Variants in STX7 observed in about 807,000 individuals in gnomAD.
STX7 encodes the protein syntaxin 7.
A neutral mutation model predicts 39.6 loss-of-function variants in STX7; 34 were observed. That is an observed-to-expected ratio of 0.86 (90% CI 0.65 to 1.14). STX7 has a LOEUF of 1.14. STX7 is among the 50% of genes most tolerant of loss of function. STX7 has a pLI of 0.00. For synonymous variants in STX7, 119 were observed against 99.1 expected (o/e 1.20, Z -1.19); for missense variants, 284 against 310.4 (o/e 0.92, Z 0.64).
chr6:132,465,731 C>A (rs1006728565), intron 8 of STX7, among the ~76,000 whole-genome samples: 1 of 152,198 alleles, frequency 6.6e-6, no homozygotes, highest in Non-Finnish European at 1.5e-5. Flanking sequence ...GACATTTCCA[C>A]ACGTTTTCAT....
chr6:132,461,958 A>G, intron 9 of STX7: 1 of 1,163,422 alleles, frequency 8.6e-7, no homozygotes, highest in South Asian at 1.5e-5. Flanking sequence ...ATTACACTGA[A>G]AACCATAAAT....
chr6:132,490,164 T>C (rs997582240), intron 2 of STX7, among the ~76,000 whole-genome samples: 7 of 152,200 alleles, frequency 4.6e-5, no homozygotes, highest in Non-Finnish European at 1.0e-4. Flanking sequence ...GGTGAGGCCT[T>C]GCGCCTTGCA....
rs1313981654 is a variant in STX7 at position 132,447,687 on chromosome 6, T to C, written c.*13071A>G. ...CTTATTAATGCTTTTCACTTTAATA[T>C]TTGTAAGGCTAATACTGATACAGCT... On this transcript the variant is annotated 3_prime_UTR_variant, in exon 10 of 10. Coordinates refer to ENST00000367941, the MANE Select transcript of STX7 (RefSeq NM_003569.3). The C allele has an allele frequency of 6.6e-6, 1 of 152,144 alleles. No homozygotes were observed. Among genetic ancestry groups the C allele is most frequent in the Non-Finnish European group, 1.5e-5 (1 of 68,004 alleles). The allele number at this position is 152,144 out of a possible 1,614,324, so 9.4% of individuals were successfully genotyped here. A position where few individuals can be genotyped will look rare whatever the true frequency, so the allele number is the denominator to read the frequency against.
chr6:132,480,531 G>A (rs1774990276), intron 2 of STX7, among the ~76,000 whole-genome samples: 1 of 152,208 alleles, frequency 6.6e-6, no homozygotes, highest in Non-Finnish European at 1.5e-5. Context: ...ACGTTTTCAA[G>A]ACTACAACTG....
intron 9 of STX7, chr6:132,461,866 A>C (rs1301535589): frequency 3.2e-6 from 5 of 1,539,214 alleles, no homozygotes; most frequent in Non-Finnish European, 4.4e-6. Context: ...TTTTTCTTAC[A>C]AAGTAGAAAA....
Position 132,503,501 on chromosome 6 carries a change from G to T in STX7, c.30C>A (p.Asp10Glu). The change falls in exon 2 of 10, where the codon GAC becomes GAA. Residue 10 changes from aspartate to glutamate, a missense_variant. By Grantham distance (45) the Asp-to-Glu change is conservative. Coordinates refer to ENST00000367941, the MANE Select transcript of STX7 (RefSeq NM_003569.3). ...AGATCCTCTGGGCCAACTGGGCGGG[G>T]TCACCACCAACTCCTGGAGTGTAAG... MSYTPGVGGDPAQLAQRISS... is the reference protein window; with the variant it reads MSYTPGVGGEPAQLAQRISS... The T allele has an allele frequency of 6.2e-7, 1 of 1,614,062 alleles. No homozygotes were observed. Among genetic ancestry groups the T allele is most frequent in the Non-Finnish European group, 8.5e-7 (1 of 1,179,934 alleles).
intron 1 of STX7, among the ~76,000 whole-genome samples, chr6:132,507,432 A>C (rs1775732460): frequency 6.6e-6 from 1 of 152,250 alleles, no homozygotes; most frequent in Non-Finnish European, 1.5e-5. Context: ...TTACGCTAAA[A>C]GGAAAGTTTG....
chr6:132,501,869 G>A (rs1363218212), intron 2 of STX7, among the ~76,000 whole-genome samples: 1 of 151,888 alleles, frequency 6.6e-6, no homozygotes, highest in Non-Finnish European at 1.5e-5. Flanking sequence ...CAGCAGCAAG[G>A]GAGCCATTAA....
rs1312757449 is a variant in STX7 at position 132,449,453 on chromosome 6, A to C, written c.*11305T>G. ...GTCCCAGGCTTTTCTTAGCTCTGGAAATTTGTCAGCAATTACCTCAATTTT... is the reference window on the plus strand; with the variant it reads ...GTCCCAGGCTTTTCTTAGCTCTGGACATTTGTCAGCAATTACCTCAATTTT... On this transcript the variant is annotated 3_prime_UTR_variant, in exon 10 of 10. Transcript: ENST00000367941. 3.3e-5 allele frequency: 5 copies of C among 152,068 alleles called. No individual in the cohort carries two copies. The highest frequency in any genetic ancestry group is 1.2e-4 in the African/African-American group (5 of 41,412). 9.4% of individuals were successfully genotyped at this position (152,068 alleles called of 1,614,324 possible). A position where few individuals can be genotyped will look rare whatever the true frequency, so the allele number is the denominator to read the frequency against.
Position 132,452,114 on chromosome 6 carries a change from G to C in STX7, c.*8644C>G, listed in dbSNP as rs1259494434. The C allele has an allele frequency of 2.0e-5, 3 of 152,090 alleles. No individual in the cohort carries two copies. Among genetic ancestry groups the C allele is most frequent in the African/African-American group, 7.2e-5 (3 of 41,402 alleles). The allele number at this position is 152,090 out of a possible 1,614,324, so 9.4% of individuals were successfully genotyped here. ...AAATCAATCAATGTATCTACCACAT[G>C]AATGGGCTAAAGAAGAAAAATGGCA... is the stretch of plus-strand genomic sequence containing the variant. On this transcript the variant is annotated 3_prime_UTR_variant, in exon 10 of 10. Coordinates refer to ENST00000367941, the MANE Select transcript of STX7 (RefSeq NM_003569.3).
In STX7 at chr6:132,493,828, G is replaced by A. The variant is rs539775472; in HGVS notation, c.85+9618C>T. Among the ~76,000 whole-genome samples the A allele has an allele frequency of 1.2e-4, 18 of 152,242 alleles. No homozygotes were observed. In the South Asian group the frequency reaches 3.3e-3, roughly 28 times the overall value. On this transcript the variant is annotated intron_variant, in intron 2 of 9. Transcript: ENST00000367941. ...ATGCCAAGCTTAACTTATACTGTTC[G>A]ATTCCTACTTCAGCACCAAATCAAC...
intron 8 of STX7, 81 bp from the exon 9 acceptor site, chr6:132,464,156 G>A (rs1169159258): frequency 1.6e-5 from 21 of 1,341,876 alleles, no homozygotes; most frequent in Non-Finnish European, 2.0e-5. Context: ...TTCATTCAAG[G>A]TAAGATTAAA....
rs1175890868 is a variant in STX7 at position 132,449,952 on chromosome 6, T to TA, written c.*10805dup. The TA allele has an allele frequency of 6.6e-6, 1 of 152,196 alleles. No homozygotes were observed. Among genetic ancestry groups the TA allele is most frequent in the Admixed American group, 6.5e-5 (1 of 15,280 alleles). 9.4% of individuals were successfully genotyped at this position (152,196 alleles called of 1,614,324 possible). A position where few individuals can be genotyped will look rare whatever the true frequency, so the allele number is the denominator to read the frequency against. On this transcript the variant is annotated 3_prime_UTR_variant, in exon 10 of 10. Coordinates refer to ENST00000367941, the MANE Select transcript of STX7 (RefSeq NM_003569.3). ...TCGGAGGGGATTTTCATCCACTTCTTAGAGTAACCACCAGAGTCCACTGAC... is the reference window on the plus strand; with the variant it reads ...TCGGAGGGGATTTTCATCCACTTCTTAAGAGTAACCACCAGAGTCCACTGAC...
chr6:132,483,985 GA>G (rs1472472930), intron 2 of STX7, among the ~76,000 whole-genome samples: 1 of 151,972 alleles, frequency 6.6e-6, no homozygotes, highest in East Asian at 1.9e-4. Context: ...TCCAATTAAA[GA>G]AAAAAACTCA....
intron 7 of STX7, 21 bp from the exon 8 acceptor site, chr6:132,468,496 TATTATAATC>T: frequency 3.2e-6 from 5 of 1,565,668 alleles, no homozygotes; most frequent in Non-Finnish European, 3.5e-6. Flanking sequence ...ACGCATATAT[TATTATAATC>T]AGAAATTCAG....
chr6:132,505,734 T>A (rs1408566908), intron 1 of STX7, among the ~76,000 whole-genome samples: 15 of 80,898 alleles, frequency 1.9e-4, no homozygotes, highest in Admixed American at 1.7e-3. Context: ...CATCTCCAAG[T>A]CACTTAAAAA....
intron 6 of STX7, 33 bp downstream of exon 6, chr6:132,470,541 C>A (rs1774687943): frequency 1.3e-6 from 2 of 1,544,028 alleles, no homozygotes; most frequent in Non-Finnish European, 1.8e-6. Flanking sequence ...GAAAAATTAC[C>A]TTTTGATCTG....
At position 132,452,671 on chromosome 6, in the gene STX7, A is replaced by C. The variant is rs1415920868; in HGVS notation, c.*8087T>G. On this transcript the variant is annotated 3_prime_UTR_variant, in exon 10 of 10. Coordinates refer to ENST00000367941, the MANE Select transcript of STX7 (RefSeq NM_003569.3). ...AAATTGCTTAGGTATAAATCTAACA[A>C]AACATGTACAGACCTTGTATGCTGA... is the stretch of plus-strand genomic sequence containing the variant. 6.6e-6 allele frequency: 1 copy of C among 152,198 alleles called. No homozygotes were observed. The highest frequency in any genetic ancestry group is 1.9e-4 in the East Asian group (1 of 5,202). The allele number at this position is 152,198 out of a possible 1,614,324, so 9.4% of individuals were successfully genotyped here.
At chr6:132,509,458 ATAAC>A (rs1562343445) in intron 1 of STX7, among the ~76,000 whole-genome samples, 3,600 of 128,892 alleles carry the variant, frequency 0.028, 437 homozygotes, top group African/African-American at 0.068. Flanking sequence ...TCAAAATAAC[ATAAC>A]ATAACATAAC....
Sources: gnomAD v4.1 joint callset for allele counts (sites outside exome capture counted in the v4.1 genomes callset) on GRCh38, gnomAD v4.1.1 for gene constraint, MANE v1.5 for transcripts, NCBI Gene and HGNC (gene_info 2026-07-23, HGNC 2026-07-21) for gene names.